The following SRGAP1 variants were observed in gnomAD, a reference collection of about 807,000 sequenced individuals.
The protein encoded by SRGAP1 is SLIT-ROBO Rho GTPase-activating protein 1.
In SRGAP1, 43 loss-of-function variants were observed where a neutral mutation model predicts 121.9. The observed-to-expected ratio is 0.35, with a 90% confidence interval of 0.28 to 0.46. The LOEUF (loss-of-function observed/expected upper bound fraction) is 0.46. Among genes scored for constraint, SRGAP1 ranks in the 20% least tolerant of loss-of-function variants. The probability of loss-of-function intolerance (pLI) is 1.00; values close to 1 mark genes in which losing one functional copy is unlikely to be tolerated. For missense variants in SRGAP1, 1,102 were observed against 1,350.9 expected, an observed-to-expected ratio of 0.82 and a Z score of 2.89; for synonymous variants, 447 against 485.4, an observed-to-expected ratio of 0.92 and a Z score of 1.04.
At chr12:64,109,737 AT>A (rs1284716777) in intron 16 of SRGAP1, among the ~76,000 whole-genome samples, 1 of 152,224 alleles carries the variant, frequency 6.6e-6, no homozygotes, top group African/African-American at 2.4e-5. Context: ...TGCAGGGGGA[AT>A]CAACTTATTG....
chr12:64,142,796 T>A lies in SRGAP1; in HGVS notation c.*124T>A. On this transcript the variant is annotated 3_prime_UTR_variant, in exon 22 of 22. Coordinates refer to ENST00000355086, the MANE Select transcript of SRGAP1 (RefSeq NM_020762.4). ...ATAACTGGAGATCTTTTGGCTTTTC[T>A]ATGTTGTCGAATGTAATGTCTGAGA... The A allele has an allele frequency of 7.5e-7, 1 of 1,339,144 alleles. No homozygotes were observed. The highest frequency in any genetic ancestry group is 2.4e-5 in the East Asian group (1 of 41,224). The allele number at this position is 1,339,144 out of a possible 1,614,324, so 83.0% of individuals were successfully genotyped here.
intron 1 of SRGAP1, among the ~76,000 whole-genome samples, chr12:63,966,048 G>C (rs1412913972): frequency 1.3e-5 from 2 of 152,168 alleles, no homozygotes; most frequent in African/African-American, 4.8e-5. Flanking sequence ...TTGAACTCCT[G>C]ACCTCAAGTG....
chr12:64,101,291 G>T (rs2036249245), intron 15 of SRGAP1, among the ~76,000 whole-genome samples: 1 of 148,176 alleles, frequency 6.7e-6, no homozygotes, highest in Non-Finnish European at 1.5e-5. Flanking sequence ...CGTATTTTTG[G>T]ATTGTTTGGG....
chr12:64,022,609 A>T (rs1479053993), intron 4 of SRGAP1, among the ~76,000 whole-genome samples: 1 of 152,172 alleles, frequency 6.6e-6, no homozygotes, highest in Non-Finnish European at 1.5e-5. Flanking sequence ...AAAATTAATT[A>T]TTACGGCATC....
In SRGAP1 at chr12:63,918,618, T is replaced by C. The variant is rs566554356; in HGVS notation, c.68-65329T>C. 3.1e-4 allele frequency among the ~76,000 whole-genome samples: 47 copies of C among 152,316 alleles called. No individual in the cohort carries two copies. The South Asian group carries it at 4.3e-3, about 14-fold the overall frequency. ...TTTTTGTAGAGATGAAGTTTTACCA[T>C]GTTGCCCCAGCTGGTCTCGAATCCC... On this transcript the variant is annotated intron_variant, in intron 1 of 21. Coordinates refer to ENST00000355086, the MANE Select transcript of SRGAP1 (RefSeq NM_020762.4).
intron 6 of SRGAP1, among the ~76,000 whole-genome samples, chr12:64,045,499 A>G (rs1434986540): frequency 6.6e-6 from 1 of 151,340 alleles, no homozygotes; most frequent in Non-Finnish European, 1.5e-5. Context: ...TCAGTGGTAC[A>G]ATCTTGGCTC....
At chr12:64,114,950 G>A (rs1592335165) in intron 17 of SRGAP1, among the ~76,000 whole-genome samples, 1 of 152,162 alleles carries the variant, frequency 6.6e-6, no homozygotes, top group Non-Finnish European at 1.5e-5. Context: ...AGTAATAGTA[G>A]GTTTATATTT....
At chr12:64,075,741 AT>A (rs906946996) in intron 8 of SRGAP1, among the ~76,000 whole-genome samples, 4 of 152,188 alleles carry the variant, frequency 2.6e-5, no homozygotes, top group Non-Finnish European at 5.9e-5. Context: ...TTTAATGGTC[AT>A]TAATATGCTT....
At chr12:64,037,463 A>C (rs1478499105) in intron 4 of SRGAP1, among the ~76,000 whole-genome samples, 1 of 152,236 alleles carries the variant, frequency 6.6e-6, no homozygotes, top group African/African-American at 2.4e-5. Flanking sequence ...CCACCATGTT[A>C]TTACTAAGAC....
chr12:63,844,804 G>T lies in SRGAP1; in HGVS notation c.-13G>T. On this transcript the variant is annotated 5_prime_UTR_variant, in exon 1 of 22. Coordinates refer to ENST00000355086, the MANE Select transcript of SRGAP1 (RefSeq NM_020762.4). This position sits in a 1 kb window ranked among gnomAD's most constrained non-coding sequence, Gnocchi z 4.3. ...AACTTGCCCATTGAAAGCAAACCCG[G>T]AACAGCTGGATAATGTCCACCCCGA... is the stretch of plus-strand genomic sequence containing the variant. 1 of 1,614,074 alleles carries T rather than the reference G, an allele frequency of 6.2e-7. No homozygotes were observed. The highest frequency in any genetic ancestry group is 8.5e-7 in the Non-Finnish European group (1 of 1,179,992).
intron 6 of SRGAP1, among the ~76,000 whole-genome samples, chr12:64,048,963 T>C (rs2035186083): frequency 6.6e-6 from 1 of 152,178 alleles, no homozygotes; most frequent in Non-Finnish European, 1.5e-5. Flanking sequence ...CTCTCTTCAC[T>C]TTGTTGATTG....
At chr12:63,927,963 T>C (rs1399105086) in intron 1 of SRGAP1, among the ~76,000 whole-genome samples, 1 of 152,202 alleles carries the variant, frequency 6.6e-6, no homozygotes, top group Non-Finnish European at 1.5e-5. Flanking sequence ...GTGAGTGGTA[T>C]ACTGTACATA....
chr12:64,119,734 A>G (rs2136627671), intron 18 of SRGAP1, among the ~76,000 whole-genome samples: 1 of 139,942 alleles, frequency 7.1e-6, no homozygotes, highest in Middle Eastern at 3.7e-3. Flanking sequence ...CTTTAAGCAG[A>G]TCCATTGAAT....
intron 8 of SRGAP1, among the ~76,000 whole-genome samples, chr12:64,071,449 C>A (rs1251156486): frequency 6.6e-6 from 1 of 152,204 alleles, no homozygotes; most frequent in African/African-American, 2.4e-5. Context: ...GTTTCAGGCA[C>A]CATGCTAGTC....
intron 21 of SRGAP1, among the ~76,000 whole-genome samples, chr12:64,139,128 C>T (rs1371547913): frequency 1.3e-5 from 2 of 152,158 alleles, no homozygotes; most frequent in African/African-American, 4.8e-5. Context: ...CATGTAAACT[C>T]ACCAAGGCAA....
At chr12:63,951,130 C>T (rs2032277417) in intron 1 of SRGAP1, among the ~76,000 whole-genome samples, 1 of 127,268 alleles carries the variant, frequency 7.9e-6, no homozygotes, top group Admixed American at 8.2e-5. Context: ...TGTGAATGGG[C>T]TGGTCCATGC....
Position 64,144,250 on chromosome 12 carries a change from T to TGTTGTTGTTGTTGTTGTTGTTGTG in SRGAP1, c.*1582_*1583insTTGTTGTTGTTGTTGTTGTGGTTG, listed in dbSNP as rs2037014533. 1 of 152,220 alleles carries TGTTGTTGTTGTTGTTGTTGTTGTG rather than the reference T, an allele frequency of 6.6e-6. No homozygotes were observed. Among genetic ancestry groups the TGTTGTTGTTGTTGTTGTTGTTGTG allele is most frequent in the South Asian group, 2.1e-4 (1 of 4,824 alleles). The allele number at this position is 152,220 out of a possible 1,614,324, so 9.4% of individuals were successfully genotyped here. A position where few individuals can be genotyped will look rare whatever the true frequency, so the allele number is the denominator to read the frequency against. ...TAAAGATTTTTGTTGTTGTTGTTGT[T>TGTTGTTGTTGTTGTTGTTGTTGTG]GTTGGGAGAAATGGATTTCCCACAA... On this transcript the variant is annotated 3_prime_UTR_variant, in exon 22 of 22. Coordinates refer to ENST00000355086, the MANE Select transcript of SRGAP1 (RefSeq NM_020762.4).
chr12:64,075,988 T>C (rs2035730576), intron 8 of SRGAP1, among the ~76,000 whole-genome samples: 1 of 151,994 alleles, frequency 6.6e-6, no homozygotes, highest in Admixed American at 6.6e-5. Flanking sequence ...CTCAACTGAT[T>C]CTTTCAAAGT....
At chr12:63,969,925 ATTTAC>A (rs1356376551) in intron 1 of SRGAP1, among the ~76,000 whole-genome samples, 4 of 152,038 alleles carry the variant, frequency 2.6e-5, no homozygotes, top group Non-Finnish European at 5.9e-5. Context: ...GACCTTCATC[ATTTAC>A]TTTACATTTG....
Sources: allele counts gnomAD v4.1 joint callset (sites outside exome capture counted in the v4.1 genomes callset), GRCh38; gene constraint gnomAD v4.1.1; non-coding constraint Gnocchi (gnomAD v3.1); transcripts MANE v1.5; gene names NCBI Gene and HGNC (gene_info 2026-07-23, HGNC 2026-07-21).